Variants in USP17L1 observed in about 807,000 individuals in gnomAD.
USP17L1 encodes the protein ubiquitin specific peptidase 17 like family member 1.
USP17L1 carries 42 observed loss-of-function variants against 31.4 expected under a neutral mutation model. The ratio of observed to expected loss-of-function variants is 1.34; its 90% CI spans 1.05 to 1.73. The LOEUF (loss-of-function observed/expected upper bound fraction) is 1.73, where lower values mean the gene tolerates loss of function less well. Among genes scored for constraint, USP17L1 ranks in the 40% most tolerant of loss-of-function variants. The pLI is 0.00. For synonymous variants in USP17L1, 230 were observed against 194.4 expected (o/e 1.18, Z -1.52); for missense variants, 576 against 495.8 (o/e 1.16, Z -1.54).
Position 7,333,522 on chromosome 8 carries a change from A to G in USP17L1, c.1136A>G (p.Glu379Gly). The G allele has an allele frequency of 1.3e-6, 2 of 1,522,310 alleles. No homozygotes were observed. Among genetic ancestry groups the G allele is most frequent in the Non-Finnish European group, 1.8e-6 (2 of 1,125,046 alleles). 94.3% of individuals were successfully genotyped at this position (1,522,310 alleles called of 1,614,324 possible). The change falls in exon 1 of 1, where the codon GAA becomes GGA. Residue 379 changes from glutamate to glycine, a missense_variant. Transcript: ENST00000529559. ...TTTTACATCCAGAAGAGTGAATGGG[A>G]AAGACACAGTGAGAGTGTGTCAAGA... ...VLFYIQKSEW[E>G]RHSESVSRGR...
chr8:7,333,370 G>A, the USP17L1 span: 5 of 1,568,364 alleles, frequency 3.2e-6, no homozygotes, highest in Non-Finnish European at 4.3e-6. Flanking sequence ...ACGCTGGGTG[G>A]AGTTGTCACG....
At position 7,332,656 on chromosome 8, in the gene USP17L1, C is replaced by T. The variant is rs1273763397; in HGVS notation, c.270C>T (p.Tyr90=). The T allele has an allele frequency of 6.2e-5, 32 of 518,874 alleles. 2 individuals carry two copies. Among genetic ancestry groups the T allele is most frequent in the South Asian group, 3.7e-4 (19 of 51,380 alleles). 32.1% of individuals were successfully genotyped at this position (518,874 alleles called of 1,614,324 possible). The change falls in exon 1 of 1, where the codon TAC becomes TAT. Residue 90 remains tyrosine (Y), a synonymous_variant. Coordinates refer to ENST00000529559, the MANE Select transcript of USP17L1 (RefSeq NM_001256873.1). ...AGLQNMGNTC[Y]ENASLQCLTY... is the part of the protein sequence containing the mutation. ...TCCAGAATATGGGAAATACCTGCTA[C>T]GAGAACGCTTCCCTGCAGTGCCTGA...
At position 7,333,148 on chromosome 8, in the gene USP17L1, C is replaced by T. The variant is rs577770663; in HGVS notation, c.762C>T (p.Cys254=). The part of the protein sequence containing the change: ...EELNGENAYH[C]GLCLQRAPAS... The stretch of plus-strand genomic sequence containing the variant: ...TCAATGGAGAGAATGCCTATCATTG[C>T]GGTCTTTGTCTCCAGAGGGCGCCGG... Residue 254 remains cysteine, a synonymous_variant, in exon 1 of 1, where the codon TGC becomes TGT. Coordinates refer to ENST00000529559, the MANE Select transcript of USP17L1 (RefSeq NM_001256873.1). The T allele has an allele frequency of 3.7e-4, 292 of 780,808 alleles. 24 individuals carry two copies. The highest frequency in any genetic ancestry group is 2.6e-3 in the African/African-American group (74 of 28,398). 48.4% of individuals were successfully genotyped at this position (780,808 alleles called of 1,614,324 possible).
In USP17L1 at chr8:7,333,382, C is replaced by A. The variant is rs530355223; in HGVS notation, c.996C>A (p.Asp332Glu). 1.9e-6 allele frequency: 3 copies of A among 1,571,686 alleles called. No individual in the cohort carries two copies. The highest frequency in any genetic ancestry group is 1.7e-5 in the Admixed American group (1 of 59,148). ...VLVHAGWSCH[D>E]GHYFSYVKAQ... ...TCCACGCTGGGTGGAGTTGTCACGA[C>A]GGACATTACTTCTCCTATGTCAAAG... Residue 332 changes from aspartate to glutamate, a missense_variant, in exon 1 of 1, where the codon GAC becomes GAA. Physicochemically the swap from Asp to Glu is conservative, Grantham distance 45 (BLOSUM62 2). Transcript: ENST00000529559.
At position 7,333,206 on chromosome 8, in the gene USP17L1, A is replaced by C; in HGVS notation, c.820A>C (p.Lys274Gln). ...CACGTTAACTTTACACACTTCTGCC[A>C]AGGTCCTCATCCTTGTCTTGAAGAG... Reference protein sequence around the residue: ...SNTLTLHTSAKVLILVLKRFS... With the variant: ...SNTLTLHTSAQVLILVLKRFS... Residue 274 changes from lysine to glutamine, a missense_variant, in exon 1 of 1, where the codon AAG (lysine) becomes CAG (glutamine). Lys to Gln is a moderately conservative substitution (Grantham distance 53, BLOSUM62 1). Transcript: ENST00000529559. 1 of 876,874 alleles carries C rather than the reference A, an allele frequency of 1.1e-6. No homozygotes were observed. The highest frequency in any genetic ancestry group is 1.8e-6 in the Non-Finnish European group (1 of 563,324). The allele number at this position is 876,874 out of a possible 1,614,324, so 54.3% of individuals were successfully genotyped here.
chr8:7,333,690 A>T lies in USP17L1; in HGVS notation c.1304A>T (p.Asp435Val). Residue 435 changes from aspartate (D) to valine (V), a missense_variant, in exon 1 of 1, where the codon GAC becomes GTC. By Grantham distance (152) the Asp-to-Val change is radical. Transcript: ENST00000529559. ...AGAGCCACTCAGGAAAGCACCTTAG[A>T]CCACTGGAAATTCCTGCAAGAGCAA... The part of the protein sequence containing the change: ...VERATQESTL[D>V]HWKFLQEQNK... The T allele has an allele frequency of 6.3e-7, 1 of 1,586,072 alleles. No individual in the cohort carries two copies. Among genetic ancestry groups the T allele is most frequent in the Non-Finnish European group, 8.5e-7 (1 of 1,175,836 alleles).
At position 7,332,993 on chromosome 8, in the gene USP17L1, T is replaced by A; in HGVS notation, c.607T>A (p.Ser203Thr). ...CCAAATATTTGGAGGCTGCTGGAGA[T>A]CTCAAATCAAGTGTCTCCACTGCCA... ...IHQIFGGCWR[S>T]QIKCLHCHGI... The change falls in exon 1 of 1, where the codon TCT becomes ACT. Residue 203 changes from serine to threonine, a missense_variant. Physicochemically the swap from Ser to Thr is moderately conservative, Grantham distance 58. Coordinates refer to ENST00000529559, the MANE Select transcript of USP17L1 (RefSeq NM_001256873.1). The A allele has an allele frequency of 4.6e-6, 7 of 1,508,290 alleles. No homozygotes were observed. Among genetic ancestry groups the A allele is most frequent in the Non-Finnish European group, 6.2e-6 (7 of 1,130,542 alleles). The allele number at this position is 1,508,290 out of a possible 1,614,324, so 93.4% of individuals were successfully genotyped here. A position where few individuals can be genotyped will look rare whatever the true frequency, so the allele number is the denominator to read the frequency against.
rs751873467 is a variant in USP17L1, at chr8:7,333,169, G to A, written c.783G>A (p.Ala261=). The stretch of plus-strand genomic sequence containing the variant: ...ATTGCGGTCTTTGTCTCCAGAGGGC[G>A]CCGGCCTCCAACACGTTAACTTTAC... ...AYHCGLCLQR[A]PASNTLTLHT... The change falls in exon 1 of 1, where the codon GCG becomes GCA. Residue 261 remains alanine (A), a synonymous_variant. Coordinates refer to ENST00000529559, the MANE Select transcript of USP17L1 (RefSeq NM_001256873.1). 62 of 779,996 alleles carry A rather than the reference G, an allele frequency of 7.9e-5. 7 individuals carry two copies. Among genetic ancestry groups the A allele is most frequent in the East Asian group, 3.7e-4 (14 of 37,372 alleles). The allele number at this position is 779,996 out of a possible 1,614,324, so 48.3% of individuals were successfully genotyped here.
Position 7,333,928 on chromosome 8 carries a change from A to G in USP17L1, c.1542A>G (p.Arg514=). ...CTTCTCTGCAAGGGAGGACCAGGAGAGCCAAAGGGAAGAACAAACACAGCA... is the reference window on the plus strand; with the variant it reads ...CTTCTCTGCAAGGGAGGACCAGGAGGGCCAAAGGGAAGAACAAACACAGCA... ...TLASLQGRTR[R]AKGKNKHSKR... is the part of the protein sequence containing the mutation. Residue 514 remains arginine, a synonymous_variant, in exon 1 of 1, where the codon AGA becomes AGG. Coordinates refer to ENST00000529559, the MANE Select transcript of USP17L1 (RefSeq NM_001256873.1). 1.9e-6 allele frequency: 3 copies of G among 1,564,716 alleles called. No individual in the cohort carries two copies. The highest frequency in any genetic ancestry group is 2.3e-5 in the East Asian group (1 of 44,320).
chr8:7,333,019 C>G lies in USP17L1; in HGVS notation c.633C>G (p.His211Gln), dbSNP rs759384859. 6.6e-6 allele frequency: 8 copies of G among 1,211,034 alleles called. No individual in the cohort carries two copies. The highest frequency in any genetic ancestry group is 9.2e-6 in the Non-Finnish European group (8 of 873,374). The allele number at this position is 1,211,034 out of a possible 1,614,324, so 75.0% of individuals were successfully genotyped here. Residue 211 changes from histidine (H) to glutamine (Q), a missense_variant, in exon 1 of 1, where the codon CAC becomes CAG. Physicochemically the swap from His to Gln is conservative, Grantham distance 24. Coordinates refer to ENST00000529559, the MANE Select transcript of USP17L1 (RefSeq NM_001256873.1). ...CTCAAATCAAGTGTCTCCACTGCCACGGGATTTCAGACACTTTTGACCCTT... is the reference window on the plus strand; with the variant it reads ...CTCAAATCAAGTGTCTCCACTGCCAGGGGATTTCAGACACTTTTGACCCTT... Reference protein sequence around the residue: ...WRSQIKCLHCHGISDTFDPYL... With the variant: ...WRSQIKCLHCQGISDTFDPYL...
Position 7,333,640 on chromosome 8 carries a change from C to G in USP17L1, c.1254C>G (p.Pro418=), listed in dbSNP as rs560367431. Residue 418 remains proline (P), a synonymous_variant, in exon 1 of 1, where the codon CCC becomes CCG. Coordinates refer to ENST00000529559, the MANE Select transcript of USP17L1 (RefSeq NM_001256873.1). ...LKRDHPCLQA[P]ELDEHLVERA... ...GAGACCACCCCTGCCTCCAGGCACC[C>G]GAGTTGGACGAGCACTTGGTGGAAA... The G allele has an allele frequency of 2.7e-6, 4 of 1,493,018 alleles. No individual in the cohort carries two copies. The highest frequency in any genetic ancestry group is 2.0e-5 in the African/African-American group (1 of 50,508). 92.5% of individuals were successfully genotyped at this position (1,493,018 alleles called of 1,614,324 possible).
In USP17L1 at chr8:7,332,662, C is replaced by A. The variant is rs750022874; in HGVS notation, c.276C>A (p.Asn92Lys). The stretch of plus-strand genomic sequence containing the variant: ...ATATGGGAAATACCTGCTACGAGAA[C>A]GCTTCCCTGCAGTGCCTGACATACA... ...LQNMGNTCYE[N>K]ASLQCLTYTL... is the part of the protein sequence containing the mutation. The change falls in exon 1 of 1, where the codon AAC becomes AAA. Residue 92 changes from asparagine to lysine, a missense_variant. Coordinates refer to ENST00000529559, the MANE Select transcript of USP17L1 (RefSeq NM_001256873.1). 12 of 521,540 alleles carry A rather than the reference C, an allele frequency of 2.3e-5. 2 individuals carry two copies. Among genetic ancestry groups the A allele is most frequent in the East Asian group, 6.0e-5 (2 of 33,112 alleles). The allele number at this position is 521,540 out of a possible 1,614,324, so 32.3% of individuals were successfully genotyped here.
At position 7,333,930 on chromosome 8, in the gene USP17L1, C is replaced by A; in HGVS notation, c.1544C>A (p.Ala515Asp). ...LASLQGRTRR[A>D]KGKNKHSKRA... ...TCTCTGCAAGGGAGGACCAGGAGAG[C>A]CAAAGGGAAGAACAAACACAGCAAG... is the stretch of plus-strand genomic sequence containing the variant. Residue 515 changes from alanine to aspartate, a missense_variant, in exon 1 of 1, where the codon GCC becomes GAC. Coordinates refer to ENST00000529559, the MANE Select transcript of USP17L1 (RefSeq NM_001256873.1). The A allele has an allele frequency of 6.4e-7, 1 of 1,569,492 alleles. No individual in the cohort carries two copies. The highest frequency in any genetic ancestry group is 8.6e-7 in the Non-Finnish European group (1 of 1,165,270).
At position 7,333,953 on chromosome 8, in the gene USP17L1, A is replaced by C. The variant is rs779371420; in HGVS notation, c.1567A>C (p.Lys523Gln). The change falls in exon 1 of 1, where the codon AAG becomes CAG. Residue 523 changes from lysine (K) to glutamine (Q), a missense_variant. Transcript: ENST00000529559. The stretch of plus-strand genomic sequence containing the variant: ...AGCCAAAGGGAAGAACAAACACAGC[A>C]AGAGGGCTCTGCTTGTGTGCCAGTG... ...RRAKGKNKHS[K>Q]RALLVCQ 1.9e-6 allele frequency: 3 copies of C among 1,581,818 alleles called. No individual in the cohort carries two copies. In the Admixed American group the frequency reaches 5.1e-5, roughly 27 times the overall value.
rs1354254738 is a variant in USP17L1, at chr8:7,333,047, C to T, written c.661C>T (p.Leu221=). 2 of 1,057,290 alleles carry T rather than the reference C, an allele frequency of 1.9e-6. 1 individual carries two copies. Among genetic ancestry groups the T allele is most frequent in the African/African-American group, 6.4e-5 (2 of 31,448 alleles). The allele number at this position is 1,057,290 out of a possible 1,614,324, so 65.5% of individuals were successfully genotyped here. A position where few individuals can be genotyped will look rare whatever the true frequency, so the allele number is the denominator to read the frequency against. The change falls in exon 1 of 1, where the codon CTG becomes TTG. Residue 221 remains leucine (L), a synonymous_variant. Transcript: ENST00000529559. ...HGISDTFDPY[L]DIALDIQAAQ... ...GATTTCAGACACTTTTGACCCTTAC[C>T]TGGACATCGCCCTGGATATCCAGGC...
At position 7,332,672 on chromosome 8, in the gene USP17L1, C is replaced by A. The variant is rs1804096425; in HGVS notation, c.286C>A (p.Gln96Lys). 5 of 531,960 alleles carry A rather than the reference C, an allele frequency of 9.4e-6. No individual in the cohort carries two copies. The highest frequency in any genetic ancestry group is 1.6e-5 in the Non-Finnish European group (5 of 314,142). 33.0% of individuals were successfully genotyped at this position (531,960 alleles called of 1,614,324 possible). Reference sequence around the variant, plus strand: ...TACCTGCTACGAGAACGCTTCCCTGCAGTGCCTGACATACACACTGCCCCT... The same window carrying A: ...TACCTGCTACGAGAACGCTTCCCTGAAGTGCCTGACATACACACTGCCCCT... ...GNTCYENASL[Q>K]CLTYTLPLAN... The change falls in exon 1 of 1, where the codon CAG (glutamine) becomes AAG (lysine). Residue 96 changes from glutamine (Q) to lysine (K), a missense_variant. By Grantham distance (53) the Gln-to-Lys change is moderately conservative. Coordinates refer to ENST00000529559, the MANE Select transcript of USP17L1 (RefSeq NM_001256873.1).
At position 7,332,717 on chromosome 8, in the gene USP17L1, C is replaced by T. The variant is rs543390902; in HGVS notation, c.331C>T (p.Arg111Trp). Residue 111 changes from arginine to tryptophan, a missense_variant, in exon 1 of 1, where the codon CGG (arginine) becomes TGG (tryptophan). Arg to Trp is a moderately radical substitution (Grantham distance 101). Coordinates refer to ENST00000529559, the MANE Select transcript of USP17L1 (RefSeq NM_001256873.1). The part of the protein sequence containing the change: ...TLPLANYMLS[R>W]EHSQTCQRPK... ...GCCCCTTGCCAACTACATGCTGTCC[C>T]GGGAGCACTCTCAAACATGTCAGCG... is the stretch of plus-strand genomic sequence containing the variant. 6.3e-4 allele frequency: 356 copies of T among 565,738 alleles called. 77 individuals are homozygous for T. The African/African-American group carries it at 0.018, about 29-fold the overall frequency. The allele number at this position is 565,738 out of a possible 1,614,324, so 35.0% of individuals were successfully genotyped here. A position where few individuals can be genotyped will look rare whatever the true frequency, so the allele number is the denominator to read the frequency against.
At position 7,333,874 on chromosome 8, in the gene USP17L1, T is replaced by C; in HGVS notation, c.1488T>C (p.Asp496=). ...LLNLSSTTRT[D]QESMNTGTLA... is the part of the protein sequence containing the mutation. ...ACCTCTCTTCGACGACCCGGACAGA[T>C]CAGGAGTCCATGAACACTGGCACAC... Residue 496 remains aspartate, a synonymous_variant, in exon 1 of 1, where the codon GAT becomes GAC. Coordinates refer to ENST00000529559, the MANE Select transcript of USP17L1 (RefSeq NM_001256873.1). The C allele has an allele frequency of 1.4e-6, 2 of 1,481,168 alleles. No individual in the cohort carries two copies. Among genetic ancestry groups the C allele is most frequent in the Non-Finnish European group, 1.8e-6 (2 of 1,091,366 alleles). The allele number at this position is 1,481,168 out of a possible 1,614,324, so 91.8% of individuals were successfully genotyped here.
At position 7,333,383 on chromosome 8, in the gene USP17L1, G is replaced by C. The variant is rs546888282; in HGVS notation, c.997G>C (p.Gly333Arg). 4 of 1,571,956 alleles carry C rather than the reference G, an allele frequency of 2.5e-6. No individual in the cohort carries two copies. The highest frequency in any genetic ancestry group is 1.1e-5 in the South Asian group (1 of 89,858). The change falls in exon 1 of 1, where the codon GGA (glycine) becomes CGA (arginine). Residue 333 changes from glycine (G) to arginine (R), a missense_variant. Physicochemically the swap from Gly to Arg is moderately radical, Grantham distance 125. Transcript: ENST00000529559. ...LVHAGWSCHD[G>R]HYFSYVKAQE... ...CCACGCTGGGTGGAGTTGTCACGAC[G>C]GACATTACTTCTCCTATGTCAAAGC...
Sources: gnomAD v4.1 joint callset for allele counts on GRCh38, gnomAD v4.1.1 for gene constraint, MANE v1.5 for transcripts, NCBI Gene and HGNC (gene_info 2026-07-23, HGNC 2026-07-21) for gene names.